GRAMD1B: variants seen among roughly 807,000 people sequenced by gnomAD.
The protein encoded by GRAMD1B is GRAM domain containing 1B, also known as protein Aster-B.
Under a neutral mutation model 99.7 loss-of-function variants are expected in GRAMD1B, and 37 were observed. The observed-to-expected ratio is 0.37, with a 90% CI of 0.29 to 0.49. The LOEUF is 0.49. Ranked by LOEUF, GRAMD1B falls within the 20% of genes least tolerant of loss-of-function variation. The pLI, the probability that GRAMD1B is intolerant of heterozygous loss-of-function variation, is 0.98. For missense variants in GRAMD1B, 888 were observed against 1,009.2 expected (o/e 0.88, Z 1.63); for synonymous variants, 427 against 387.6 (o/e 1.10, Z -1.19).
chr11:123,395,871 A>T (rs1261558736), intron 1 of GRAMD1B, among the ~76,000 whole-genome samples: 1 of 152,224 alleles, frequency 6.6e-6, no homozygotes, highest in Non-Finnish European at 1.5e-5. Context: ...TCTTCTGTGA[A>T]ATAGGATCTC....
chr11:123,472,671 T>C (rs1401270549), intron 1 of GRAMD1B, among the ~76,000 whole-genome samples: 1 of 152,138 alleles, frequency 6.6e-6, no homozygotes, highest in Non-Finnish European at 1.5e-5. Context: ...GAGGAGGTGG[T>C]GTCTGATTTA....
intron 8 of GRAMD1B, among the ~76,000 whole-genome samples, chr11:123,602,955 T>A (rs1952172372): frequency 6.6e-6 from 1 of 152,066 alleles, no homozygotes; most frequent in Admixed American, 6.5e-5. Flanking sequence ...TCCAGTAGGG[T>A]CTGTAAGGCC....
chr11:123,550,693 C>T (rs1197517023), intron 2 of GRAMD1B, among the ~76,000 whole-genome samples: 2 of 152,114 alleles, frequency 1.3e-5, no homozygotes, highest in African/African-American at 2.4e-5. Flanking sequence ...AGACATCCCT[C>T]ATTAAGACCT....
chr11:123,622,389 C>T, intron 19 of GRAMD1B, 117 bp from the exon 20 acceptor site: 3 of 661,412 alleles, frequency 4.5e-6, no homozygotes, highest in East Asian at 5.7e-5. Context: ...CGACTCTTTT[C>T]AGCCCCATGG....
intron 1 of GRAMD1B, among the ~76,000 whole-genome samples, chr11:123,469,512 T>C (rs1439599316): frequency 6.6e-6 from 1 of 151,826 alleles, no homozygotes; most frequent in East Asian, 1.9e-4. Context: ...TGATGTGGGG[T>C]TGCATTTCTA....
chr11:123,549,385 A>G (rs757224409), intron 2 of GRAMD1B, among the ~76,000 whole-genome samples: 3 of 152,128 alleles, frequency 2.0e-5, no homozygotes, highest in Non-Finnish European at 2.9e-5. Context: ...TACTAAAAAT[A>G]CAAAAAATTA....
chr11:123,393,237 G>A (rs537000307), intron 1 of GRAMD1B, among the ~76,000 whole-genome samples: 2 of 152,244 alleles, frequency 1.3e-5, no homozygotes, highest in South Asian at 2.1e-4. Flanking sequence ...GTGCTGGGAG[G>A]GAGAACCAAA....
At chr11:123,476,259 C>G (rs1397986899) in intron 1 of GRAMD1B, among the ~76,000 whole-genome samples, 1 of 152,082 alleles carries the variant, frequency 6.6e-6, no homozygotes. Flanking sequence ...CACCATCACA[C>G]CTGGCTAATT....
At chr11:123,487,824 C>G (rs1022275846) in intron 2 of GRAMD1B, among the ~76,000 whole-genome samples, 1 of 152,136 alleles carries the variant, frequency 6.6e-6, no homozygotes, top group African/African-American at 2.4e-5. Context: ...CCAGGCTGGT[C>G]TCAACCTCCT....
At chr11:123,581,160 T>G (rs1247272971) in intron 3 of GRAMD1B, among the ~76,000 whole-genome samples, 8 of 152,110 alleles carry the variant, frequency 5.3e-5, no homozygotes, top group Non-Finnish European at 1.0e-4. Flanking sequence ...TTCCTTTAAG[T>G]GCTTGCTCTT....
At chr11:123,360,980 C>G (rs1396790087) in intron 1 of GRAMD1B, among the ~76,000 whole-genome samples, 1 of 152,016 alleles carries the variant, frequency 6.6e-6, no homozygotes, top group East Asian at 1.9e-4. Context: ...CCATGCTCAG[C>G]TAATTTTTTG....
intron 1 of GRAMD1B, chr11:123,460,116 T>C (rs1307783340): frequency 6.6e-6 from 1 of 151,970 alleles, no homozygotes; most frequent in Non-Finnish European, 1.5e-5. Context: ...ATAAATGGTT[T>C]GTGGATTAGT....
intron 7 of GRAMD1B, among the ~76,000 whole-genome samples, chr11:123,597,134 T>A (rs1390037018): frequency 6.6e-6 from 1 of 151,310 alleles, no homozygotes; most frequent in East Asian, 1.9e-4. Context: ...AACTCCTTTT[T>A]TTTTTTTTTT....
chr11:123,391,963 C>A (rs1027992571), intron 1 of GRAMD1B, among the ~76,000 whole-genome samples: 9 of 152,250 alleles, frequency 5.9e-5, no homozygotes, highest in Admixed American at 1.3e-4. Flanking sequence ...ATTCTGAGGG[C>A]AGAGGGTAGA....
At chr11:123,516,993 C>T (rs976378342) in intron 2 of GRAMD1B, among the ~76,000 whole-genome samples, 2 of 152,298 alleles carry the variant, frequency 1.3e-5, no homozygotes, top group Admixed American at 6.5e-5. Context: ...GATCTTGGCT[C>T]ACTGCACCCT....
At chr11:123,619,010 T>G in intron 18 of GRAMD1B, 97 bp from the exon 19 acceptor site, 1 of 735,074 alleles carries the variant, frequency 1.4e-6, no homozygotes, top group Non-Finnish European at 2.3e-6. Flanking sequence ...GACAAAGCAC[T>G]CTGATGTGAC....
At chr11:123,606,531 C>A (rs1952748608) in intron 10 of GRAMD1B, 78 bp from the exon 11 acceptor site, 1 of 1,295,858 alleles carries the variant, frequency 7.7e-7, no homozygotes, top group Non-Finnish European at 1.1e-6. Flanking sequence ...GCTGCCAAGG[C>A]TGCATCCCTA....
rs1938213923 is a variant in GRAMD1B, at chr11:123,488,983, A to T, written c.452+8090A>T. On this transcript the variant is annotated intron_variant, in intron 2 of 19. Coordinates refer to ENST00000635736, the MANE Select transcript of GRAMD1B (RefSeq NM_001387025.1). ...TACCCCCTTAAGGTTGACCCCTTAG[A>T]TGGCCCAGGAACGGCAGGTGCTAGA... 2.6e-5 allele frequency among the ~76,000 whole-genome samples: 4 copies of T among 152,138 alleles called. No homozygotes were observed. The South Asian group carries it at 8.3e-4, about 32-fold the overall frequency.
At chr11:123,609,774 A>G in intron 12 of GRAMD1B, 21 bp from the exon 13 acceptor site, 2 of 1,359,748 alleles carry the variant, frequency 1.5e-6, no homozygotes, top group East Asian at 2.4e-5. Flanking sequence ...TCCTCATTCC[A>G]GGGCTCTCCT....
Sources: gnomAD v4.1 joint callset for allele counts (sites outside exome capture counted in the v4.1 genomes callset) on GRCh38, gnomAD v4.1.1 for gene constraint, MANE v1.5 for transcripts, NCBI Gene and HGNC (gene_info 2026-07-23, HGNC 2026-07-21) for gene names.